The following MSH4 variants were observed in gnomAD, a reference collection of about 807,000 sequenced individuals.
The protein encoded by MSH4 is mutS protein homolog 4.
MSH4 carries 106 observed loss-of-function variants against 113.7 expected under a neutral mutation model. The observed-to-expected ratio is 0.93, with a 90% confidence interval of 0.80 to 1.10. The LOEUF is 1.10. Ranked by LOEUF, MSH4 falls within the 50% of genes least tolerant of loss-of-function variation. The pLI is 0.00. For synonymous variants in MSH4, 368 were observed against 380.2 expected (o/e 0.97, Z 0.37); for missense variants, 1,061 against 1,093.7 (o/e 0.97, Z 0.42).
At chr1:75,832,661 C>T (rs1272671061) in intron 7 of MSH4, among the ~76,000 whole-genome samples, 4 of 152,122 alleles carry the variant, frequency 2.6e-5, no homozygotes, top group African/African-American at 9.7e-5. Flanking sequence ...TAATCCATCA[C>T]ATAAACAGAA....
At chr1:75,817,832 C>G (rs890778930) in intron 6 of MSH4, among the ~76,000 whole-genome samples, 7 of 152,028 alleles carry the variant, frequency 4.6e-5, no homozygotes, top group African/African-American at 1.7e-4. Context: ...AGACACCCCC[C>G]CTCCCCCTAG....
chr1:75,908,532 A>G (rs1652718553), intron 19 of MSH4, among the ~76,000 whole-genome samples: 1 of 152,094 alleles, frequency 6.6e-6, no homozygotes, highest in Non-Finnish European at 1.5e-5. Context: ...TTTTCTTAAA[A>G]CTGCTATTTT....
At chr1:75,857,880 G>A (rs1056794907) in intron 8 of MSH4, among the ~76,000 whole-genome samples, 1 of 152,134 alleles carries the variant, frequency 6.6e-6, no homozygotes, top group Non-Finnish European at 1.5e-5. Flanking sequence ...TCACGATATT[G>A]ATTCTTCTTA....
intron 16 of MSH4, among the ~76,000 whole-genome samples, 190 bp downstream of exon 16, chr1:75,889,559 A>G (rs535612470): frequency 3.3e-5 from 5 of 152,284 alleles, no homozygotes; most frequent in African/African-American, 1.2e-4. Context: ...GTTTAAGTGA[A>G]AATATAATTT....
intron 8 of MSH4, among the ~76,000 whole-genome samples, chr1:75,853,351 C>T (rs111914775): frequency 0.28 from 41,841 of 152,078 alleles, 6,042 homozygotes; most frequent in Middle Eastern, 0.37. Context: ...AGGCGTGAAC[C>T]ACCACACCTG....
chr1:75,902,683 A>G (rs1208063573), intron 19 of MSH4, among the ~76,000 whole-genome samples: 204 of 4,456 alleles, frequency 0.046, 9 homozygotes, highest in African/African-American at 0.21. Context: ...GTATATATAT[A>G]TATATATATA....
chr1:75,833,450 G>T (rs1226694850), intron 7 of MSH4, among the ~76,000 whole-genome samples: 1 of 152,088 alleles, frequency 6.6e-6, no homozygotes, highest in Non-Finnish European at 1.5e-5. Context: ...AAGTTCACAT[G>T]GAACCAAAAA....
intron 19 of MSH4, among the ~76,000 whole-genome samples, chr1:75,908,904 G>A (rs1191016078): frequency 6.6e-6 from 1 of 152,160 alleles, no homozygotes; most frequent in Non-Finnish European, 1.5e-5. Flanking sequence ...CCTCAGCTGT[G>A]TGGAAAGGCT....
intron 19 of MSH4, among the ~76,000 whole-genome samples, chr1:75,906,163 G>A (rs1161885832): frequency 6.6e-6 from 1 of 151,256 alleles, no homozygotes; most frequent in Non-Finnish European, 1.5e-5. Flanking sequence ...GCTAATTTTT[G>A]TATTTCTAAT....
intron 7 of MSH4, among the ~76,000 whole-genome samples, chr1:75,840,447 C>A (rs903804190): frequency 2.1e-5 from 3 of 143,512 alleles, no homozygotes; most frequent in African/African-American, 7.8e-5. Flanking sequence ...CATATTCTCA[C>A]TCATAGGTGG....
chr1:75,873,871 G>A (rs1393508662), intron 9 of MSH4, among the ~76,000 whole-genome samples: 1 of 152,110 alleles, frequency 6.6e-6, no homozygotes, highest in Admixed American at 6.5e-5. Context: ...GAACAGTGCT[G>A]CAGTGAACAT....
chr1:75,825,184 T>C (rs1375107882), intron 7 of MSH4, among the ~76,000 whole-genome samples: 1 of 152,148 alleles, frequency 6.6e-6, no homozygotes, highest in East Asian at 1.9e-4. Context: ...TTCACTTCCC[T>C]TGTAAGTTGT....
intron 15 of MSH4, among the ~76,000 whole-genome samples, chr1:75,886,788 A>G (rs995146400): frequency 7.3e-6 from 1 of 136,476 alleles, no homozygotes; most frequent in Non-Finnish European, 1.5e-5. Flanking sequence ...TATACCTTAT[A>G]TATACTAAAC....
intron 7 of MSH4, among the ~76,000 whole-genome samples, chr1:75,829,254 C>G (rs940522816): frequency 6.6e-6 from 1 of 152,142 alleles, no homozygotes; most frequent in Non-Finnish European, 1.5e-5. Flanking sequence ...TCTGGCTTTG[C>G]TGAGGCTTGA....
At chr1:75,807,887 G>A (rs1650102558) in intron 3 of MSH4, among the ~76,000 whole-genome samples, 1 of 152,138 alleles carries the variant, frequency 6.6e-6, no homozygotes, top group Non-Finnish European at 1.5e-5. Flanking sequence ...CCAGGGCCCA[G>A]AGAGAGCAAA....
chr1:75,896,168 C>T (rs1416254804), intron 17 of MSH4, among the ~76,000 whole-genome samples: 1 of 152,100 alleles, frequency 6.6e-6, no homozygotes, highest in East Asian at 1.9e-4. Context: ...ACTAAATTGC[C>T]TTCAGACTCA....
rs1570984535 is a variant in MSH4, at chr1:75,880,116, C to T, written c.1744C>T (p.Gln582Ter). The T allele has an allele frequency of 1.9e-6, 3 of 1,592,980 alleles. No homozygotes were observed. Among genetic ancestry groups the T allele is most frequent in the East Asian group, 4.5e-5 (2 of 44,352 alleles). ...ADLIKMNERC[Q>*]ESLREIYHMT... is the part of the protein sequence containing the mutation. ...TTTAATTAAAATGAATGAAAGATGC[C>T]AAGAATCTTTGAGAGAAATCTATCA... is the stretch of plus-strand genomic sequence containing the variant. Residue 582 changes from glutamine (Q) to a stop codon, truncating the protein, a stop_gained, in exon 13 of 20, where the codon CAA becomes TAA. Transcript: ENST00000263187. LOFTEE classifies it high-confidence loss of function.
Position 75,845,628 on chromosome 1 carries a change from C to T in MSH4, c.1163-2581C>T, listed in dbSNP as rs1651060086. ...CAGCGTCAGGGCTTAGTCCACTCAG[C>T]AGCTCTCATGGTTTGCAGTCTCATG... On this transcript the variant is annotated intron_variant, in intron 7 of 19. Transcript: ENST00000263187. 2.0e-5 allele frequency among the ~76,000 whole-genome samples: 3 copies of T among 152,164 alleles called. No homozygotes were observed. In the South Asian group the frequency reaches 6.2e-4, roughly 32 times the overall value.
At chr1:75,811,174 C>T (rs1234003139) in intron 4 of MSH4, among the ~76,000 whole-genome samples, 1 of 151,988 alleles carries the variant, frequency 6.6e-6, no homozygotes, top group Admixed American at 6.6e-5. Context: ...CTGTGCCCGG[C>T]CCTAATCACT....
Sources: allele counts gnomAD v4.1 joint callset (sites outside exome capture counted in the v4.1 genomes callset), GRCh38; gene constraint gnomAD v4.1.1; transcripts MANE v1.5; gene names NCBI Gene and HGNC (gene_info 2026-07-23, HGNC 2026-07-21).